Variants in DOCK3 observed in about 807,000 individuals in gnomAD.
DOCK3 encodes the protein dedicator of cytokinesis protein 3.
A neutral mutation model predicts 265.6 loss-of-function variants in DOCK3; 60 were observed. The observed-to-expected ratio is 0.23, with a 90% CI of 0.18 to 0.28. The LOEUF is 0.28. Ranked by LOEUF, DOCK3 falls within the 10% of genes least tolerant of loss-of-function variation. DOCK3 has a pLI of 1.00. For synonymous variants in DOCK3, 881 were observed against 938.0 expected (o/e 0.94, Z 1.11); for missense variants, 1,981 against 2,594.3 (o/e 0.76, Z 5.14).
At chr3:51,287,585 A>G (rs1420653735) in intron 27 of DOCK3, among the ~76,000 whole-genome samples, 1 of 152,120 alleles carries the variant, frequency 6.6e-6, no homozygotes, top group Non-Finnish European at 1.5e-5. Flanking sequence ...ATTAAAAGTC[A>G]AGTCTCAAAA....
chr3:50,778,438 C>T (rs961083413), intron 1 of DOCK3, among the ~76,000 whole-genome samples: 4 of 152,102 alleles, frequency 2.6e-5, no homozygotes, highest in Non-Finnish European at 5.9e-5. Flanking sequence ...TCTACAAGCA[C>T]ACATGCACCC....
At chr3:51,263,716 A>T (rs2079994400) in intron 23 of DOCK3, among the ~76,000 whole-genome samples, 1 of 152,212 alleles carries the variant, frequency 6.6e-6, no homozygotes, top group African/African-American at 2.4e-5. Flanking sequence ...AAATACAGGG[A>T]TGGAGGACTA....
chr3:51,103,556 G>A (rs2083162741), intron 9 of DOCK3, among the ~76,000 whole-genome samples: 1 of 152,126 alleles, frequency 6.6e-6, no homozygotes, highest in African/African-American at 2.4e-5. Context: ...AGATACTTAA[G>A]CCATGTGCAA....
At chr3:50,729,866 G>T (rs1403352482) in intron 1 of DOCK3, among the ~76,000 whole-genome samples, 1 of 136,280 alleles carries the variant, frequency 7.3e-6, no homozygotes, top group African/African-American at 2.8e-5. Flanking sequence ...CCTCACTTCA[G>T]TGGCCCAGGC....
intron 19 of DOCK3, among the ~76,000 whole-genome samples, chr3:51,234,468 T>C (rs1440075054): frequency 1.3e-5 from 2 of 152,232 alleles, no homozygotes; most frequent in Non-Finnish European, 2.9e-5. Flanking sequence ...CAGTTTTTGT[T>C]TTTGTTGCCT....
intron 5 of DOCK3, among the ~76,000 whole-genome samples, chr3:51,042,289 C>T (rs545940706): frequency 1.8e-4 from 27 of 152,266 alleles, no homozygotes; most frequent in African/African-American, 5.5e-4. Context: ...ACAAGCATAT[C>T]AATAAATGTG....
chr3:51,344,300 C>G (rs2085421177), intron 38 of DOCK3, among the ~76,000 whole-genome samples: 1 of 152,154 alleles, frequency 6.6e-6, no homozygotes, highest in Non-Finnish European at 1.5e-5. Context: ...TGTGCTGTCC[C>G]TGCGAGGGAG....
intron 5 of DOCK3, among the ~76,000 whole-genome samples, chr3:51,049,878 G>C (rs1480789995): frequency 6.6e-6 from 1 of 150,650 alleles, no homozygotes; most frequent in Non-Finnish European, 1.5e-5. Context: ...AAAGTTGCAG[G>C]GTAGAAAATC....
Position 51,271,014 on chromosome 3 carries a change from C to G in DOCK3, c.2548+7C>G, listed in dbSNP as rs200390580. The G allele has an allele frequency of 3.1e-6, 5 of 1,609,134 alleles. No homozygotes were observed. Among genetic ancestry groups the G allele is most frequent in the Non-Finnish European group, 1.7e-6 (2 of 1,177,704 alleles). On this transcript the variant is annotated splice_region_variant and intron_variant, in intron 24 of 52. Coordinates refer to ENST00000266037, the MANE Select transcript of DOCK3 (RefSeq NM_004947.5). The stretch of plus-strand genomic sequence containing the variant: ...CGCCTGTTTTCTTTCTCAGGTAAAT[C>G]AAGTTGGGATGAGAGTCCTCCTTCC...
At position 50,733,402 on chromosome 3, in the gene DOCK3, G is replaced by A. The variant is rs186306233; in HGVS notation, c.38-45273G>A. Among the ~76,000 whole-genome samples, 127 of 152,230 alleles carry A rather than the reference G, an allele frequency of 8.3e-4. 1 individual carries two copies. In the South Asian group the frequency reaches 0.015, roughly 18 times the overall value. ...TAATATTTGCTTTATGTGTTAAGATGCTCTGTTAGATGCATATGTATTTAC... is the reference window on the plus strand; with the variant it reads ...TAATATTTGCTTTATGTGTTAAGATACTCTGTTAGATGCATATGTATTTAC... On this transcript the variant is annotated intron_variant, in intron 1 of 52. Transcript: ENST00000266037.
intron 21 of DOCK3, among the ~76,000 whole-genome samples, chr3:51,242,069 T>C (rs1356263322): frequency 2.6e-5 from 4 of 152,074 alleles, no homozygotes; most frequent in Non-Finnish European, 5.9e-5. Context: ...GTCTTCGAGG[T>C]TGCTGTCCTT....
chr3:50,790,152 T>A (rs949029754), intron 2 of DOCK3, among the ~76,000 whole-genome samples: 4 of 152,258 alleles, frequency 2.6e-5, no homozygotes, highest in Admixed American at 2.6e-4. Context: ...TTCATTTGCA[T>A]GGAATATCTT....
At chr3:50,803,060 T>G (rs574812148) in intron 2 of DOCK3, among the ~76,000 whole-genome samples, 149 of 150,076 alleles carry the variant, frequency 9.9e-4, no homozygotes, top group East Asian at 5.8e-4. Context: ...ATTTATGTAT[T>G]TATTTATTTA....
rs535969717 is a variant in DOCK3, at chr3:50,835,682, C to T, written c.122-5993C>T. Among the ~76,000 whole-genome samples, 7 of 152,268 alleles carry T rather than the reference C, an allele frequency of 4.6e-5. No individual in the cohort carries two copies. In the South Asian group the frequency reaches 1.2e-3, roughly 27 times the overall value. ...TATGCAGTTTTTAGGGCCTAATAAG[C>T]AGGCACAACTGGAAGGCAAAACAGA... On this transcript the variant is annotated intron_variant, in intron 2 of 52. Transcript: ENST00000266037.
chr3:51,379,503 A>G, intron 51 of DOCK3: 1 of 985,468 alleles, frequency 1.0e-6, no homozygotes, highest in Non-Finnish European at 1.2e-6. Context: ...CAAGAGGCCC[A>G]GCCCTTCCTG....
chr3:51,039,716 T>C (rs544010526), intron 5 of DOCK3, among the ~76,000 whole-genome samples: 2 of 152,156 alleles, frequency 1.3e-5, no homozygotes, highest in South Asian at 2.1e-4. Flanking sequence ...AGATCTCTCA[T>C]TGTCAGTTTT....
chr3:51,229,793 C>T (rs1385352545), intron 19 of DOCK3, among the ~76,000 whole-genome samples, 184 bp downstream of exon 19: 1 of 152,096 alleles, frequency 6.6e-6, no homozygotes, highest in South Asian at 2.1e-4. Context: ...TTATTTTTAA[C>T]TGACAAATAA....
intron 7 of DOCK3, among the ~76,000 whole-genome samples, chr3:51,077,920 G>A (rs771547049): frequency 1.3e-5 from 2 of 152,088 alleles, no homozygotes; most frequent in Non-Finnish European, 2.9e-5. Flanking sequence ...AAACCCAGTG[G>A]CCATACAGCA....
intron 51 of DOCK3, chr3:51,379,309 C>A: frequency 2.3e-6 from 2 of 873,086 alleles, no homozygotes; most frequent in Non-Finnish European, 2.7e-6. Context: ...GCTTGGCCAG[C>A]GTTTTTAGTT....
Sources: allele counts gnomAD v4.1 joint callset (sites outside exome capture counted in the v4.1 genomes callset), GRCh38; gene constraint gnomAD v4.1.1; transcripts MANE v1.5; gene names NCBI Gene and HGNC (gene_info 2026-07-23, HGNC 2026-07-21).